FHIT: variants seen among roughly 807,000 people sequenced by gnomAD.
FHIT encodes fragile histidine triad diadenosine triphosphatase.
A neutral mutation model predicts 17.9 loss-of-function variants in FHIT; 19 were observed. That is an observed-to-expected ratio of 1.06 (90% confidence interval 0.74 to 1.56). The LOEUF (loss-of-function observed/expected upper bound fraction) is 1.56, where lower values mean the gene tolerates loss of function less well. FHIT is among the 40% of genes most tolerant of loss of function. The pLI is 0.00. For missense variants in FHIT, 248 were observed against 189.2 expected (o/e 1.31, Z -1.82); for synonymous variants, 81 against 69.7 (o/e 1.16, Z -0.81).
Position 61,105,141 on chromosome 3 carries a change from C to T in FHIT, c.-163-63042G>A, listed in dbSNP as rs1188609331. Among the ~76,000 whole-genome samples the T allele has an allele frequency of 2.6e-5, 4 of 152,118 alleles. No homozygotes were observed. The East Asian group carries it at 5.8e-4, about 22-fold the overall frequency. On this transcript the variant is annotated intron_variant, in intron 2 of 9. Transcript: ENST00000492590. The stretch of plus-strand genomic sequence containing the variant: ...GTGATTGTCTGGAGAAAAGAAGGCA[C>T]TCTGGTTTTTTGAGTTTTCAGGATT...
chr3:60,193,661 A>C (rs953309583), intron 5 of FHIT, among the ~76,000 whole-genome samples: 1 of 152,180 alleles, frequency 6.6e-6, no homozygotes, highest in Non-Finnish European at 1.5e-5. Context: ...TCAAGCATTC[A>C]AATATTTCTG....
intron 8 of FHIT, among the ~76,000 whole-genome samples, chr3:59,825,760 T>C (rs1015431797): frequency 6.6e-6 from 1 of 152,152 alleles, no homozygotes; most frequent in Non-Finnish European, 1.5e-5. Flanking sequence ...TGGACTGAGA[T>C]ACTATTGGTC....
chr3:60,342,286 T>C (rs1710559845), intron 5 of FHIT, among the ~76,000 whole-genome samples: 1 of 152,218 alleles, frequency 6.6e-6, no homozygotes, highest in South Asian at 2.1e-4. Context: ...TTGCATAGCA[T>C]ATCAGGCAGC....
intron 5 of FHIT, among the ~76,000 whole-genome samples, chr3:60,322,008 A>C (rs1417187299): frequency 6.6e-6 from 1 of 152,256 alleles, no homozygotes; most frequent in Non-Finnish European, 1.5e-5. Flanking sequence ...TTTTGGAAGA[A>C]CACAAACATT....
At position 60,089,401 on chromosome 3, in the gene FHIT, G is replaced by T. The variant is rs756584581; in HGVS notation, c.104-75249C>A. On this transcript the variant is annotated intron_variant, in intron 5 of 9. Transcript: ENST00000492590. ...GAACCATGATTCCCTGTCCATTGTT[G>T]TACATCCACTACACAGCACAGAGTA... Among the ~76,000 whole-genome samples the T allele has an allele frequency of 3.3e-5, 5 of 152,162 alleles. No individual in the cohort carries two copies. The East Asian group carries it at 7.7e-4, about 24-fold the overall frequency.
rs182696732 is a variant in FHIT, at chr3:59,789,434, C to G, written c.349-37113G>C. Among the ~76,000 whole-genome samples the G allele has an allele frequency of 6.6e-5, 10 of 152,296 alleles. No homozygotes were observed. In the East Asian group the frequency reaches 1.9e-3, roughly 29 times the overall value. On this transcript the variant is annotated intron_variant, in intron 8 of 9. Coordinates refer to ENST00000492590, the MANE Select transcript of FHIT (RefSeq NM_002012.4). ...AGTTGATTTAATGAAAAACACTATG[C>G]ATTTTTCTCTTCTCCGTTGCTAAGA...
intron 8 of FHIT, 135 bp from the exon 9 acceptor site, chr3:59,752,456 T>G: frequency 3.4e-6 from 2 of 595,292 alleles, no homozygotes; most frequent in South Asian, 4.1e-5. Flanking sequence ...ATTGTTTCAG[T>G]TGCTACAACT....
intron 5 of FHIT, among the ~76,000 whole-genome samples, chr3:60,170,131 T>G (rs1983535): frequency 0.15 from 23,297 of 152,034 alleles, 2,151 homozygotes; most frequent in African/African-American, 0.25. Flanking sequence ...ATCTTTCCTG[T>G]GCGAGTTGGT....
At chr3:59,957,929 C>T (rs1030199992) in intron 7 of FHIT, among the ~76,000 whole-genome samples, 7 of 152,210 alleles carry the variant, frequency 4.6e-5, no homozygotes, top group African/African-American at 1.4e-4. Flanking sequence ...TAGATTAATA[C>T]TTCCAAAATA....
At chr3:60,342,820 T>A (rs1186674935) in intron 5 of FHIT, among the ~76,000 whole-genome samples, 1 of 152,186 alleles carries the variant, frequency 6.6e-6, no homozygotes, top group Non-Finnish European at 1.5e-5. Context: ...GAGCAAAAAT[T>A]GGAAATCTGC....
chr3:61,046,981 T>C (rs1316533659), intron 2 of FHIT, among the ~76,000 whole-genome samples: 3 of 152,154 alleles, frequency 2.0e-5, no homozygotes, highest in Admixed American at 6.6e-5. Context: ...TAGGTATTGA[T>C]GGGATGTATC....
chr3:61,220,446 G>C (rs988272709), intron 1 of FHIT, among the ~76,000 whole-genome samples: 5 of 152,162 alleles, frequency 3.3e-5, no homozygotes, highest in Admixed American at 1.3e-4. Context: ...ATTCCTAGAA[G>C]TTTTATTTCA....
intron 5 of FHIT, among the ~76,000 whole-genome samples, chr3:60,510,313 T>A (rs1021469937): frequency 1.3e-5 from 2 of 152,328 alleles, no homozygotes; most frequent in East Asian, 3.9e-4. Flanking sequence ...ATTTCACATA[T>A]TCTGCAAGCC....
chr3:60,739,356 G>C (rs1171947833), intron 4 of FHIT, among the ~76,000 whole-genome samples: 4 of 152,094 alleles, frequency 2.6e-5, no homozygotes, highest in Non-Finnish European at 5.9e-5. Context: ...GTAACACTGG[G>C]GCCACAGGCA....
intron 5 of FHIT, among the ~76,000 whole-genome samples, chr3:60,404,427 T>C (rs1418608279): frequency 6.6e-6 from 1 of 152,164 alleles, no homozygotes; most frequent in Non-Finnish European, 1.5e-5. Flanking sequence ...TCTCGGGATG[T>C]GACAGTAGCT....
At chr3:60,158,784 T>C (rs562193072) in intron 5 of FHIT, among the ~76,000 whole-genome samples, 19 of 152,250 alleles carry the variant, frequency 1.2e-4, no homozygotes, top group Middle Eastern at 3.4e-3. Flanking sequence ...ATCATAAAAT[T>C]ATCCCCACTT....
chr3:60,051,819 A>G (rs1701891991), intron 5 of FHIT, among the ~76,000 whole-genome samples: 1 of 152,172 alleles, frequency 6.6e-6, no homozygotes, highest in Admixed American at 6.5e-5. Context: ...GACTTCTCTC[A>G]GATAACAACA....
At chr3:60,340,583 G>T (rs1350096955) in intron 5 of FHIT, among the ~76,000 whole-genome samples, 12 of 152,136 alleles carry the variant, frequency 7.9e-5, no homozygotes, top group African/African-American at 2.9e-4. Context: ...AATCACTTGA[G>T]AACATTTTAA....
At chr3:60,574,588 G>T (rs969997565) in intron 4 of FHIT, among the ~76,000 whole-genome samples, 1 of 151,942 alleles carries the variant, frequency 6.6e-6, no homozygotes, top group Non-Finnish European at 1.5e-5. Flanking sequence ...AGAATCCCAG[G>T]CTGGGAATGG....
Sources: gnomAD v4.1 joint callset for allele counts (sites outside exome capture counted in the v4.1 genomes callset) on GRCh38, gnomAD v4.1.1 for gene constraint, MANE v1.5 for transcripts, NCBI Gene and HGNC (gene_info 2026-07-23, HGNC 2026-07-21) for gene names.